SYNE1: variants seen among roughly 807,000 people sequenced by gnomAD.
The protein encoded by SYNE1 is spectrin repeat containing nuclear envelope protein 1, also known as nesprin-1.
Under a neutral mutation model 1,111.0 loss-of-function variants are expected in SYNE1, and 616 were observed. The observed-to-expected ratio is 0.55, with a 90% CI of 0.52 to 0.59. SYNE1 has a LOEUF of 0.59. Ranked by LOEUF, SYNE1 falls within the 20% of genes least tolerant of loss-of-function variation. The probability of loss-of-function intolerance (pLI) is 0.00; values close to 1 mark genes in which losing one functional copy is unlikely to be tolerated. For missense variants in SYNE1, 10,006 were observed against 10,417.0 expected (o/e 0.96, Z 1.72); for synonymous variants, 3,855 against 3,825.8 (o/e 1.01, Z -0.28).
rs1339445634 is a variant in SYNE1, at chr6:152,310,879, G to A, written c.16711-6C>T. Reference sequence around the variant, plus strand: ...TTGGATTCTTCTAGCAGGGTCTAGAGTGAATTGTCAATATTCATGACATTG... The same window carrying A: ...TTGGATTCTTCTAGCAGGGTCTAGAATGAATTGTCAATATTCATGACATTG... On this transcript the variant is annotated splice_polypyrimidine_tract_variant and splice_region_variant and intron_variant, in intron 87 of 145. Transcript: ENST00000367255. 1 of 1,613,140 alleles carries A rather than the reference G, an allele frequency of 6.2e-7. No homozygotes were observed. The highest frequency in any genetic ancestry group is 2.2e-5 in the East Asian group (1 of 44,884).
chr6:152,298,723 T>TA (rs111472300), intron 93 of SYNE1, among the ~76,000 whole-genome samples: 131 of 152,344 alleles, frequency 8.6e-4, no homozygotes, highest in African/African-American at 3.1e-3. Flanking sequence ...GACAATTTTA[T>TA]AAATCCAGTG....
chr6:152,240,790 A>C lies in SYNE1; in HGVS notation c.19894-1084T>G, dbSNP rs538577995. On this transcript the variant is annotated intron_variant, in intron 107 of 145. Transcript: ENST00000367255. The stretch of plus-strand genomic sequence containing the variant: ...CAGTCTATGTAGCTTGCCCAAGGTC[A>C]CATAGCTAGTCACGGCAGAGCTTGG... Among the ~76,000 whole-genome samples the C allele has an allele frequency of 1.0e-3, 158 of 152,336 alleles. 2 individuals are homozygous for C. The highest frequency in any genetic ancestry group is 3.6e-3 in the African/African-American group (151 of 41,586).
chr6:152,355,824 C>T (rs2096827341), intron 66 of SYNE1, among the ~76,000 whole-genome samples: 1 of 152,058 alleles, frequency 6.6e-6, no homozygotes, highest in Non-Finnish European at 1.5e-5. Context: ...TAGTATTTCT[C>T]AATACTATAT....
intron 4 of SYNE1, among the ~76,000 whole-genome samples, chr6:152,535,760 G>A (rs2099232161): frequency 6.6e-6 from 1 of 152,072 alleles, no homozygotes. Context: ...TTTTTACAAA[G>A]GGTTTTTAAA....
chr6:152,597,494 C>A (rs1183757992), intron 3 of SYNE1, among the ~76,000 whole-genome samples: 1 of 152,012 alleles, frequency 6.6e-6, no homozygotes, highest in Non-Finnish European at 1.5e-5. Context: ...ACTATGTTCC[C>A]CAGGCTGGTC....
At chr6:152,241,326 A>C (rs952425578) in intron 107 of SYNE1, among the ~76,000 whole-genome samples, 3 of 151,186 alleles carry the variant, frequency 2.0e-5, no homozygotes, top group Non-Finnish European at 2.9e-5. Flanking sequence ...TGAAAAAGAC[A>C]AAAAAAACCC....
intron 34 of SYNE1, among the ~76,000 whole-genome samples, chr6:152,431,766 A>G (rs879568704): frequency 4.6e-5 from 7 of 152,202 alleles, no homozygotes; most frequent in African/African-American, 1.7e-4. Flanking sequence ...GCAATCAGAA[A>G]TAATTTACAT....
rs746438011 is a variant in SYNE1 at position 152,430,672 on chromosome 6, A to T, written c.4499T>A (p.Ile1500Asn). 4 of 1,614,014 alleles carry T rather than the reference A, an allele frequency of 2.5e-6. No homozygotes were observed. The highest frequency in any genetic ancestry group is 2.2e-5 in the South Asian group (2 of 91,092). The change falls in exon 35 of 146, where the codon ATT (isoleucine) becomes AAT (asparagine). Residue 1500 changes from isoleucine to asparagine, a missense_variant. This residue lies in a region of SYNE1 where 1,971 missense variants were observed against 2,084.1 expected (regional missense o/e 0.95). Coordinates refer to ENST00000367255, the MANE Select transcript of SYNE1 (RefSeq NM_182961.4). ...CTGGGCTTCTTCTTCTAATCCTACA[A>T]TGCTGCTGAGCTTACTTTCTATTTC... ...IQEIESKLSSIVGLEEEAQSF... is the reference protein window; with the variant it reads ...IQEIESKLSSNVGLEEEAQSF...
rs766096461 is a variant in SYNE1, at chr6:152,505,432, T to G, written c.582-35A>C. On this transcript the variant is annotated intron_variant, in intron 8 of 145. Transcript: ENST00000367255. ...ATAAAAACATAAAATGATGTCACATTCTGAATAGATACAAGCACTTTCTTC... is the reference window on the plus strand; with the variant it reads ...ATAAAAACATAAAATGATGTCACATGCTGAATAGATACAAGCACTTTCTTC... 3.1e-6 allele frequency: 5 copies of G among 1,607,942 alleles called. No homozygotes were observed. The Admixed American group carries it at 8.3e-5, about 27-fold the overall frequency.
chr6:152,221,781 CCTT>C (rs1310788030), intron 117 of SYNE1, among the ~76,000 whole-genome samples: 3 of 152,122 alleles, frequency 2.0e-5, no homozygotes, highest in Admixed American at 2.0e-4. Flanking sequence ...AGCAATGAAG[CCTT>C]CTTCTATTGG....
chr6:152,345,383 C>T (rs983406594), intron 73 of SYNE1, among the ~76,000 whole-genome samples: 1 of 152,096 alleles, frequency 6.6e-6, no homozygotes. Flanking sequence ...CCCTTTTCTC[C>T]CCTTGTCATC....
chr6:152,395,932 TAA>T (rs2097724792), intron 50 of SYNE1, among the ~76,000 whole-genome samples: 1 of 152,224 alleles, frequency 6.6e-6, no homozygotes, highest in African/African-American at 2.4e-5. Context: ...TCATAGCTGG[TAA>T]TTGCCAACAA....
At chr6:152,610,889 A>G (rs1460633254) in intron 3 of SYNE1, among the ~76,000 whole-genome samples, 1 of 152,210 alleles carries the variant, frequency 6.6e-6, no homozygotes, top group Non-Finnish European at 1.5e-5. Context: ...ATATCCAGCC[A>G]AACTAATCTT....
chr6:152,632,060 C>A (rs537179731), intron 2 of SYNE1, among the ~76,000 whole-genome samples: 3 of 152,164 alleles, frequency 2.0e-5, no homozygotes, highest in South Asian at 4.1e-4. Flanking sequence ...CTAACATCAA[C>A]GATCCATACT....
intron 51 of SYNE1, among the ~76,000 whole-genome samples, chr6:152,392,263 A>C (rs181911120): frequency 6.7e-6 from 1 of 148,430 alleles, no homozygotes; most frequent in Non-Finnish European, 1.5e-5. Flanking sequence ...GACTAAGTGC[A>C]AAAAAAAAAT....
intron 44 of SYNE1, among the ~76,000 whole-genome samples, chr6:152,408,015 G>C (rs1037082949): frequency 2.6e-5 from 4 of 151,486 alleles, no homozygotes. Flanking sequence ...TGCCCACCTC[G>C]GTCTCCCAAA....
At chr6:152,364,699 A>C (rs2097024209) in intron 63 of SYNE1, 148 bp downstream of exon 63, 4 of 744,752 alleles carry the variant, frequency 5.4e-6, no homozygotes, top group Non-Finnish European at 9.1e-6. Flanking sequence ...GAAGGAAGGA[A>C]GGAAGGAAGG....
At position 152,327,481 on chromosome 6, in the gene SYNE1, CCAG is replaced by C. The variant is rs2096106636; in HGVS notation, c.14956-851_14956-849del. On this transcript the variant is annotated intron_variant, in intron 78 of 145. Coordinates refer to ENST00000367255, the MANE Select transcript of SYNE1 (RefSeq NM_182961.4). The stretch of plus-strand genomic sequence containing the variant: ...GTCTGGATGGCTGGTCCATTCAATT[CCAG>C]AAGGAAAAGAAACACTCTAACCAGC... 3.3e-5 allele frequency among the ~76,000 whole-genome samples: 5 copies of C among 152,118 alleles called. No individual in the cohort carries two copies. The South Asian group carries it at 1.0e-3, about 32-fold the overall frequency.
chr6:152,442,029 C>T (rs1235156113), intron 31 of SYNE1, 46 bp downstream of exon 31: 1 of 1,611,352 alleles, frequency 6.2e-7, no homozygotes, highest in African/African-American at 1.3e-5. Context: ...CGGAAGTGAA[C>T]ACTGCCCAGC....
Sources: gnomAD v4.1 joint callset for allele counts (sites outside exome capture counted in the v4.1 genomes callset) on GRCh38, gnomAD v4.1.1 for gene constraint, gnomAD v4.1.1 regional missense constraint, MANE v1.5 for transcripts, NCBI Gene and HGNC (gene_info 2026-07-23, HGNC 2026-07-21) for gene names.